POC5: variants seen among roughly 807,000 people sequenced by gnomAD.
POC5 encodes centrosomal protein POC5.
POC5 carries 48 observed loss-of-function variants against 62.9 expected under a neutral mutation model. The observed-to-expected ratio is 0.76, with a 90% CI of 0.61 to 0.97. The LOEUF (loss-of-function observed/expected upper bound fraction) is 0.97, where lower values mean the gene tolerates loss of function less well. POC5 is among the 50% of genes least tolerant of loss of function. The probability of loss-of-function intolerance (pLI) is 0.00; values close to 1 mark genes in which losing one functional copy is unlikely to be tolerated. For missense variants in POC5, 696 were observed against 679.5 expected (o/e 1.02, Z -0.27); for synonymous variants, 236 against 228.2 (o/e 1.03, Z -0.31).
rs1777087431 is a variant in POC5 at position 75,705,711 on chromosome 5, C to T, written c.300G>A (p.Lys100=). ...GCDFHISSHS[K]TDESSPVLSP... ...GCTAAAGAAAAATCATACCATCTGT[C>T]TTTGAATGACTTGAAATATGGAAAT... The change falls in exon 4 of 12, where the codon AAG becomes AAA. Residue 100 remains lysine (K), a synonymous_variant. Coordinates refer to ENST00000428202, the MANE Select transcript of POC5 (RefSeq NM_001099271.2). 1 of 1,532,498 alleles carries T rather than the reference C, an allele frequency of 6.5e-7. No homozygotes were observed. Among genetic ancestry groups the T allele is most frequent in the Non-Finnish European group, 8.8e-7 (1 of 1,137,914 alleles). The allele number at this position is 1,532,498 out of a possible 1,614,324, so 94.9% of individuals were successfully genotyped here.
At position 75,694,592 on chromosome 5, in the gene POC5, G is replaced by A. The variant is rs944395833; in HGVS notation, c.690+63C>T. The A allele has an allele frequency of 1.0e-5, 13 of 1,264,586 alleles. No individual in the cohort carries two copies. The South Asian group carries it at 2.1e-4, about 20-fold the overall frequency. 78.3% of individuals were successfully genotyped at this position (1,264,586 alleles called of 1,614,324 possible). ...GTATGAGGTAAATAATCATTTCTTA[G>A]AATTTATTATCTAGCAAGACATTTA... On this transcript the variant is annotated intron_variant, in intron 6 of 11. Coordinates refer to ENST00000428202, the MANE Select transcript of POC5 (RefSeq NM_001099271.2).
Position 75,674,368 on chromosome 5 carries a change from A to C in POC5, c.*67T>G. 1 of 1,508,072 alleles carries C rather than the reference A, an allele frequency of 6.6e-7. No homozygotes were observed. Among genetic ancestry groups the C allele is most frequent in the South Asian group, 1.3e-5 (1 of 78,014 alleles). The allele number at this position is 1,508,072 out of a possible 1,614,324, so 93.4% of individuals were successfully genotyped here. A position where few individuals can be genotyped will look rare whatever the true frequency, so the allele number is the denominator to read the frequency against. On this transcript the variant is annotated 3_prime_UTR_variant, in exon 12 of 12. Coordinates refer to ENST00000428202, the MANE Select transcript of POC5 (RefSeq NM_001099271.2). ...GTTCTAACAATATGGAAAAGTTAAAACCAAAAGACTTCTAACCCTTGGTAA... is the reference window on the plus strand; with the variant it reads ...GTTCTAACAATATGGAAAAGTTAAACCCAAAAGACTTCTAACCCTTGGTAA...
rs768537209 is a variant in POC5, at chr5:75,674,530, G to T, written c.1633C>A (p.Pro545Thr). 1.2e-6 allele frequency: 2 copies of T among 1,613,878 alleles called. No individual in the cohort carries two copies. The highest frequency in any genetic ancestry group is 2.7e-5 in the African/African-American group (2 of 74,942). The change falls in exon 12 of 12, where the codon CCT (proline) becomes ACT (threonine). Residue 545 changes from proline to threonine, a missense_variant. Physicochemically the swap from Pro to Thr is conservative, Grantham distance 38. Coordinates refer to ENST00000428202, the MANE Select transcript of POC5 (RefSeq NM_001099271.2). Reference protein sequence around the residue: ...TAAKYPRTIHPESSTSASRSL... With the variant: ...TAAKYPRTIHTESSTSASRSL... ...CTGGAAGCTGAGGTACTACTTTCAG[G>T]ATGAATGGTCCGGGGATATTTTGCT... is the stretch of plus-strand genomic sequence containing the variant.
intron 5 of POC5, among the ~76,000 whole-genome samples, chr5:75,697,180 C>G (rs184116289): frequency 3.3e-3 from 498 of 152,180 alleles, no homozygotes; most frequent in Non-Finnish European, 5.6e-3. Context: ...GGCAGGCCAA[C>G]GCTCAGATTC....
In POC5 at chr5:75,677,711, T is replaced by C. The variant is rs543791734; in HGVS notation, c.1584+63A>G. On this transcript the variant is annotated intron_variant, in intron 11 of 11. Coordinates refer to ENST00000428202, the MANE Select transcript of POC5 (RefSeq NM_001099271.2). ...CTTCTCAACATGTTATGTAAGTGTTTACTAGTCTATGAACTCTCAGGAAAA... is the reference window on the plus strand; with the variant it reads ...CTTCTCAACATGTTATGTAAGTGTTCACTAGTCTATGAACTCTCAGGAAAA... 3.7e-5 allele frequency: 50 copies of C among 1,352,418 alleles called. No individual in the cohort carries two copies. The South Asian group carries it at 8.2e-4, about 22-fold the overall frequency. The allele number at this position is 1,352,418 out of a possible 1,614,324, so 83.8% of individuals were successfully genotyped here. A position where few individuals can be genotyped will look rare whatever the true frequency, so the allele number is the denominator to read the frequency against.
chr5:75,694,758 T>G lies in POC5; in HGVS notation c.587A>C (p.Glu196Ala). ...TAAATGTGCTGCATGTTTTTCTTTC[T>G]CTTTTCTCATTTCCATTCGGTGCCA... is the stretch of plus-strand genomic sequence containing the variant. ...IDWHRMEMRK[E>A]KEKHAAHLKQ... The change falls in exon 6 of 12, where the codon GAG (glutamate) becomes GCG (alanine). Residue 196 changes from glutamate (E) to alanine (A), a missense_variant. Glu to Ala is a moderately radical substitution (Grantham distance 107). Transcript: ENST00000428202. 1 of 1,590,594 alleles carries G rather than the reference T, an allele frequency of 6.3e-7. No homozygotes were observed. The highest frequency in any genetic ancestry group is 8.6e-7 in the Non-Finnish European group (1 of 1,159,930).
At chr5:75,682,517 CTTTTT>C (rs3041691) in intron 10 of POC5, among the ~76,000 whole-genome samples, 1 of 134,684 alleles carries the variant, frequency 7.4e-6, no homozygotes, top group Non-Finnish European at 1.6e-5. Context: ...TTATTTCTTT[CTTTTT>C]TTTTTTTTTT....
intron 3 of POC5, 85 bp from the exon 4 acceptor site, chr5:75,705,872 T>C (rs1777096988): frequency 2.5e-6 from 2 of 792,560 alleles, no homozygotes; most frequent in East Asian, 2.9e-5. Context: ...AAGGTAGCAG[T>C]ACATAATATT....
chr5:75,684,960 A>C (rs1390853549), intron 10 of POC5, among the ~76,000 whole-genome samples: 5 of 150,550 alleles, frequency 3.3e-5, no homozygotes, highest in Non-Finnish European at 7.4e-5. Context: ...CTCTGTCTAC[A>C]GGGTTCACGC....
At chr5:75,710,229 A>C (rs953487884) in intron 2 of POC5, among the ~76,000 whole-genome samples, 1 of 152,208 alleles carries the variant, frequency 6.6e-6, no homozygotes, top group Admixed American at 6.5e-5. Flanking sequence ...GAACCCACTT[A>C]AACCACCCTT....
At chr5:75,690,103 C>T (rs1776263061) in intron 8 of POC5, among the ~76,000 whole-genome samples, 1 of 152,144 alleles carries the variant, frequency 6.6e-6, no homozygotes, top group Admixed American at 6.6e-5. Flanking sequence ...TGGTCTCAAA[C>T]TCCTGACTCA....
At chr5:75,683,219 G>A (rs1464688257) in intron 10 of POC5, among the ~76,000 whole-genome samples, 1 of 144,162 alleles carries the variant, frequency 6.9e-6, no homozygotes, top group Non-Finnish European at 1.5e-5. Flanking sequence ...CACCACAGCA[G>A]GAAAGAAGTT....
chr5:75,714,009 C>G lies in POC5; in HGVS notation c.-14-1058G>C, dbSNP rs117779006. 1.2e-3 allele frequency among the ~76,000 whole-genome samples: 180 copies of G among 152,236 alleles called. 1 individual carries two copies. In the East Asian group the frequency reaches 0.03, roughly 26 times the overall value. ...TAAAAATCTGGGTGTTTATTCTAGA[C>G]AAGTTATTGAAATATTTTTTAAAAG... On this transcript the variant is annotated intron_variant, in intron 1 of 11. Coordinates refer to ENST00000428202, the MANE Select transcript of POC5 (RefSeq NM_001099271.2).
chr5:75,674,625 A>G (rs1267729215), intron 11 of POC5, 47 bp from the exon 12 acceptor site: 3 of 1,570,828 alleles, frequency 1.9e-6, no homozygotes, highest in Non-Finnish European at 2.6e-6. Flanking sequence ...GATTATGTAT[A>G]CTATGTATCA....
intron 5 of POC5, among the ~76,000 whole-genome samples, chr5:75,699,059 T>A (rs1041665911): frequency 1.2e-3 from 186 of 151,998 alleles, no homozygotes; most frequent in Non-Finnish European, 2.4e-3. Flanking sequence ...CAGGAGCTGA[T>A]ATTGTGGCAA....
chr5:75,708,781 G>A (rs892030537), intron 2 of POC5, among the ~76,000 whole-genome samples: 5 of 152,114 alleles, frequency 3.3e-5, no homozygotes, highest in Non-Finnish European at 5.9e-5. Flanking sequence ...GCAATTACAT[G>A]TACAAGAGTG....
chr5:75,674,578 G>A lies in POC5; in HGVS notation c.1585C>T (p.Gln529Ter). The A allele has an allele frequency of 6.2e-7, 1 of 1,613,472 alleles. No homozygotes were observed. Among genetic ancestry groups the A allele is most frequent in the Non-Finnish European group, 8.5e-7 (1 of 1,179,690 alleles). Residue 529 changes from glutamine (Q) to a stop codon, truncating the protein, a stop_gained and splice_region_variant, in exon 12 of 12, where the codon CAA becomes TAA. Coordinates refer to ENST00000428202, the MANE Select transcript of POC5 (RefSeq NM_001099271.2). LOFTEE classifies it high-confidence loss of function. ...GCTGCAGTTGCTTGAGGAATGGTTT[G>A]CTGAAAAGACAAAATTCTGCTTTAA... is the stretch of plus-strand genomic sequence containing the variant. ...VVEKHHPVTV[Q>*]TIPQATAAKY...
chr5:75,702,429 G>T (rs1237400069), intron 5 of POC5, among the ~76,000 whole-genome samples, 176 bp downstream of exon 5: 2 of 152,086 alleles, frequency 1.3e-5, no homozygotes, highest in Non-Finnish European at 2.9e-5. Flanking sequence ...ACAGGCTCCC[G>T]CTATGATTCG....
rs114163738 is a variant in POC5 at position 75,715,028 on chromosome 5, C to T, written c.-14-2077G>A. Among the ~76,000 whole-genome samples the T allele has an allele frequency of 9.5e-3, 1,447 of 151,876 alleles. 27 individuals carry two copies. The highest frequency in any genetic ancestry group is 0.033 in the African/African-American group (1,383 of 41,330). ...TTTTCAAACTGCTATAAAGAACTGC[C>T]CAGGCCGGGCACGGTGGCTCATGCC... is the stretch of plus-strand genomic sequence containing the variant. On this transcript the variant is annotated intron_variant, in intron 1 of 11. Coordinates refer to ENST00000428202, the MANE Select transcript of POC5 (RefSeq NM_001099271.2).
Sources: gnomAD v4.1 joint callset for allele counts (sites outside exome capture counted in the v4.1 genomes callset) on GRCh38, gnomAD v4.1.1 for gene constraint, MANE v1.5 for transcripts, NCBI Gene and HGNC (gene_info 2026-07-23, HGNC 2026-07-21) for gene names.